The following RAB3GAP1 variants were observed in gnomAD, a reference collection of about 807,000 sequenced individuals.
RAB3GAP1 encodes the protein rab3 GTPase-activating protein catalytic subunit.
A neutral mutation model predicts 130.7 loss-of-function variants in RAB3GAP1; 86 were observed. That is an observed-to-expected ratio of 0.66 (90% CI 0.55 to 0.79). RAB3GAP1 has a LOEUF of 0.79. RAB3GAP1 is among the 30% of genes least tolerant of loss of function. The pLI is 0.00. For synonymous variants in RAB3GAP1, 367 were observed against 401.7 expected (o/e 0.91, Z 1.03); for missense variants, 1,029 against 1,169.4 (o/e 0.88, Z 1.75).
chr2:135,132,968 CAG>C lies in RAB3GAP1; in HGVS notation c.1315_1316del (p.Ser439Ter). On this transcript the variant is annotated frameshift_variant, in exon 14 of 24. Transcript: ENST00000264158. LOFTEE classifies it high-confidence loss of function. ...TCAACAGATAATAATAATCCTCCAT[CAG>C]AGAGTGAAGACTATGTAAGTTGATG... 6.4e-7 allele frequency: 1 copy of C among 1,560,982 alleles called. No individual in the cohort carries two copies. The highest frequency in any genetic ancestry group is 8.8e-7 in the Non-Finnish European group (1 of 1,132,200).
chr2:135,063,578 T>G (rs79143936), intron 3 of RAB3GAP1, among the ~76,000 whole-genome samples: 6,381 of 152,222 alleles, frequency 0.042, 159 homozygotes, highest in African/African-American at 0.055. Flanking sequence ...ATTTGTTTTT[T>G]TGTGTGTGTG....
In RAB3GAP1 at chr2:135,135,752, C is replaced by T. The variant is rs200166273; in HGVS notation, c.1743C>T (p.Ser581=). The change falls in exon 17 of 24, where the codon AGC becomes AGT. Residue 581 remains serine, a synonymous_variant. Transcript: ENST00000264158. The part of the protein sequence containing the change: ...VGKSWDSWSD[S]EEEFFECLSD... ...AATCTTGGGATTCCTGGAGTGACAGCGAAGAAGAATTTTTTGAATGCCTAA... is the reference window on the plus strand; with the variant it reads ...AATCTTGGGATTCCTGGAGTGACAGTGAAGAAGAATTTTTTGAATGCCTAA... 129 of 1,613,640 alleles carry T rather than the reference C, an allele frequency of 8.0e-5. No individual in the cohort carries two copies. The Admixed American group carries it at 1.7e-3, about 21-fold the overall frequency.
At chr2:135,074,593 G>A (rs1689570174) in intron 3 of RAB3GAP1, among the ~76,000 whole-genome samples, 1 of 152,202 alleles carries the variant, frequency 6.6e-6, no homozygotes, top group South Asian at 2.1e-4. Flanking sequence ...AGAGGTTGGA[G>A]TTGGAGGAGA....
intron 21 of RAB3GAP1, 38 bp downstream of exon 21, chr2:135,162,889 C>T (rs1287421358): frequency 3.8e-6 from 6 of 1,581,296 alleles, no homozygotes; most frequent in South Asian, 3.3e-5. Flanking sequence ...GCCAAGTGTT[C>T]TCCTCAGTTG....
intron 17 of RAB3GAP1, among the ~76,000 whole-genome samples, chr2:135,146,359 C>G (rs573529540): frequency 1.3e-5 from 2 of 151,608 alleles, no homozygotes; most frequent in South Asian, 4.2e-4. Flanking sequence ...TTACAGGTGC[C>G]CGCCACTAAG....
At chr2:135,166,731 A>G (rs1692664829) in intron 23 of RAB3GAP1, among the ~76,000 whole-genome samples, 2 of 152,198 alleles carry the variant, frequency 1.3e-5, no homozygotes. Context: ...ACATATGTAT[A>G]TATAATTTTA....
intron 9 of RAB3GAP1, among the ~76,000 whole-genome samples, chr2:135,124,761 G>C (rs1691306076): frequency 6.6e-6 from 1 of 152,138 alleles, no homozygotes; most frequent in Non-Finnish European, 1.5e-5. Context: ...TCAGCAAACT[G>C]TGTCCTTTGC....
At chr2:135,156,945 A>G (rs1485523237) in intron 19 of RAB3GAP1, among the ~76,000 whole-genome samples, 1 of 152,244 alleles carries the variant, frequency 6.6e-6, no homozygotes, top group Non-Finnish European at 1.5e-5. Flanking sequence ...AGTAATCAGT[A>G]GCATTCATAT....
At chr2:135,138,533 T>A (rs1404656338) in intron 17 of RAB3GAP1, among the ~76,000 whole-genome samples, 1 of 152,172 alleles carries the variant, frequency 6.6e-6, no homozygotes, top group Non-Finnish European at 1.5e-5. Flanking sequence ...TGGTTTGGGT[T>A]ATATTTCTTA....
chr2:135,099,438 T>C (rs1378182781), intron 5 of RAB3GAP1, among the ~76,000 whole-genome samples: 1 of 129,986 alleles, frequency 7.7e-6, no homozygotes. Flanking sequence ...TTTCTGTGTG[T>C]GTGTGTGTGT....
intron 15 of RAB3GAP1, among the ~76,000 whole-genome samples, 190 bp from the exon 16 acceptor site, chr2:135,135,075 G>A (rs1480187626): frequency 6.6e-6 from 1 of 152,148 alleles, no homozygotes; most frequent in Non-Finnish European, 1.5e-5. Flanking sequence ...TTGTGGACAA[G>A]GAGTATAAAA....
intron 5 of RAB3GAP1, among the ~76,000 whole-genome samples, chr2:135,106,243 C>T (rs1467809379): frequency 1.3e-5 from 2 of 152,208 alleles, no homozygotes; most frequent in African/African-American, 4.8e-5. Flanking sequence ...GGCCGCCACC[C>T]CGTCTGGGAG....
intron 3 of RAB3GAP1, among the ~76,000 whole-genome samples, chr2:135,061,938 A>T (rs1405033937): frequency 6.6e-6 from 1 of 151,984 alleles, no homozygotes; most frequent in Non-Finnish European, 1.5e-5. Context: ...TGTCACCTTT[A>T]TTGAGTAGTT....
In RAB3GAP1 at chr2:135,150,463, G is replaced by T. The variant is rs773949768; in HGVS notation, c.2018G>T (p.Arg673Leu). The change falls in exon 18 of 24, where the codon CGC (arginine) becomes CTC (leucine). Residue 673 changes from arginine to leucine, a missense_variant. By Grantham distance (102) the Arg-to-Leu change is moderately radical. Transcript: ENST00000264158. The part of the protein sequence containing the change: ...TSAEGAHLRA[R>L]MQSACLLSDM... ...GCAGAGGGGGCTCACCTTCGAGCAC[G>T]CATGCAGAGTGCCTGTCTGCTCTCA... 5.6e-6 allele frequency: 9 copies of T among 1,614,194 alleles called. No homozygotes were observed. The highest frequency in any genetic ancestry group is 2.2e-5 in the South Asian group (2 of 91,084).
At chr2:135,096,499 T>C (rs1268489909) in intron 5 of RAB3GAP1, among the ~76,000 whole-genome samples, 1 of 151,900 alleles carries the variant, frequency 6.6e-6, no homozygotes, top group Non-Finnish European at 1.5e-5. Context: ...AATGTAATAA[T>C]TATATCTATT....
At position 135,091,131 on chromosome 2, in the gene RAB3GAP1, G is replaced by A. The variant is rs1237023733; in HGVS notation, c.283+1G>A. 1 of 1,578,326 alleles carries A rather than the reference G, an allele frequency of 6.3e-7. No homozygotes were observed. The highest frequency in any genetic ancestry group is 1.4e-5 in the African/African-American group (1 of 73,988). On this transcript the variant is annotated splice_donor_variant, in intron 4 of 23. Transcript: ENST00000264158. LOFTEE classifies it high-confidence loss of function. The stretch of plus-strand genomic sequence containing the variant: ...GAAGGAAAGGATGAGTTATTAGAGG[G>A]TAAGTTATTTCTATATAATAATATT...
chr2:135,087,820 T>A (rs7596917), intron 3 of RAB3GAP1, among the ~76,000 whole-genome samples: 8 of 152,090 alleles, frequency 5.3e-5, no homozygotes. Flanking sequence ...ATAGGGACAG[T>A]TTTCTTTTAA....
chr2:135,084,827 T>C (rs769947902), intron 3 of RAB3GAP1, among the ~76,000 whole-genome samples: 140 of 152,246 alleles, frequency 9.2e-4, no homozygotes, highest in Middle Eastern at 3.4e-3. Context: ...GAAATAGACA[T>C]GTAAATAAAT....
At chr2:135,125,421 TAA>T (rs2104934806) in intron 9 of RAB3GAP1, among the ~76,000 whole-genome samples, 1 of 152,326 alleles carries the variant, frequency 6.6e-6, no homozygotes, top group African/African-American at 2.4e-5. Flanking sequence ...ATTTAATTTA[TAA>T]ATTTGGCACA....
Sources: allele counts gnomAD v4.1 joint callset (sites outside exome capture counted in the v4.1 genomes callset), GRCh38; gene constraint gnomAD v4.1.1; transcripts MANE v1.5; gene names NCBI Gene and HGNC (gene_info 2026-07-23, HGNC 2026-07-21).